Variants in CATSPERE observed in about 807,000 individuals in gnomAD.
The protein encoded by CATSPERE is catsper channel auxiliary subunit epsilon.
A neutral mutation model predicts 114.1 loss-of-function variants in CATSPERE; 93 were observed. The observed-to-expected ratio is 0.81, with a 90% CI of 0.69 to 0.97. The LOEUF (loss-of-function observed/expected upper bound fraction) is 0.97, where lower values mean the gene tolerates loss of function less well. Among genes scored for constraint, CATSPERE ranks in the 50% least tolerant of loss-of-function variants. CATSPERE has a pLI of 0.00. For synonymous variants in CATSPERE, 341 were observed against 384.1 expected, an observed-to-expected ratio of 0.89 and a Z score of 1.31; for missense variants, 1,058 against 1,131.6, an observed-to-expected ratio of 0.93 and a Z score of 0.93.
rs112293768 is a variant in CATSPERE at position 244,627,777 on chromosome 1, T to C, written c.2649-7712T>C. Reference sequence around the variant, plus strand: ...GCATGCTATTTCTCCTTATCCACAGTTTCGCTTCCCATGATTCACTTACTT... The same window carrying C: ...GCATGCTATTTCTCCTTATCCACAGCTTCGCTTCCCATGATTCACTTACTT... On this transcript the variant is annotated intron_variant, in intron 20 of 21. Coordinates refer to ENST00000366534, the MANE Select transcript of CATSPERE (RefSeq NM_001130957.2). Among the ~76,000 whole-genome samples the C allele has an allele frequency of 4.9e-3, 747 of 152,308 alleles. 7 individuals are homozygous for C. Among genetic ancestry groups the C allele is most frequent in the African/African-American group, 0.017 (707 of 41,550 alleles).
intron 20 of CATSPERE, among the ~76,000 whole-genome samples, chr1:244,631,682 C>T (rs1167032349): frequency 3.3e-5 from 5 of 152,034 alleles, no homozygotes; most frequent in Non-Finnish European, 7.4e-5. Flanking sequence ...AAATGAATGA[C>T]AAAAAGCATA....
intron 10 of CATSPERE, among the ~76,000 whole-genome samples, chr1:244,564,127 C>T (rs939484817): frequency 6.6e-6 from 1 of 152,112 alleles, no homozygotes; most frequent in African/African-American, 2.4e-5. Context: ...GTTTTGGTAC[C>T]AGTACCATGC....
intron 2 of CATSPERE, among the ~76,000 whole-genome samples, chr1:244,474,034 C>CT (rs941823787): frequency 0.012 from 1,772 of 149,770 alleles, 42 homozygotes; most frequent in African/African-American, 0.041. Context: ...CTTTTTTTTG[C>CT]TTTTTTTTTG....
intron 6 of CATSPERE, 57 bp downstream of exon 6, chr1:244,490,528 C>T: frequency 9.7e-7 from 1 of 1,029,816 alleles, no homozygotes; most frequent in Non-Finnish European, 1.5e-6. Context: ...TATTGTTTCT[C>T]TCTTATCTTC....
intron 20 of CATSPERE, among the ~76,000 whole-genome samples, chr1:244,628,751 C>T (rs964097402): frequency 8.5e-5 from 13 of 152,184 alleles, no homozygotes; most frequent in African/African-American, 3.1e-4. Context: ...AAGACTACAT[C>T]TGGATGGAGC....
chr1:244,600,113 C>T (rs895235806), intron 17 of CATSPERE, among the ~76,000 whole-genome samples: 1 of 152,094 alleles, frequency 6.6e-6, no homozygotes, highest in African/African-American at 2.4e-5. Flanking sequence ...CCGTGATAGA[C>T]ACGTCATCCT....
rs565726807 is a variant in CATSPERE, at chr1:244,469,514, A to G, written c.114+5558A>G. Among the ~76,000 whole-genome samples the G allele has an allele frequency of 2.0e-5, 3 of 152,312 alleles. No homozygotes were observed. In the South Asian group the frequency reaches 6.2e-4, roughly 32 times the overall value. ...CTTTAAATGATAAGACTCTTTTTAA[A>G]AATGACCAGAGCCAGGGCAATAATG... On this transcript the variant is annotated intron_variant, in intron 2 of 21. Coordinates refer to ENST00000366534, the MANE Select transcript of CATSPERE (RefSeq NM_001130957.2).
rs28623484 is a variant in CATSPERE at position 244,519,114 on chromosome 1, C to A, written c.536+416C>A. Among the ~76,000 whole-genome samples the A allele has an allele frequency of 2.8e-3, 425 of 152,250 alleles. 7 individuals carry two copies. Among genetic ancestry groups the A allele is most frequent in the African/African-American group, 9.8e-3 (408 of 41,540 alleles). ...TAGGTTATCACAAGGTATAGACAGA[C>A]TTTCTTAGTCTATTAAGCACCTAGA... On this transcript the variant is annotated intron_variant, in intron 8 of 21. Transcript: ENST00000366534.
intron 2 of CATSPERE, among the ~76,000 whole-genome samples, chr1:244,464,998 C>G (rs1408036926): frequency 6.7e-6 from 1 of 148,264 alleles, no homozygotes; most frequent in South Asian, 2.1e-4. Context: ...AGCCAAATCT[C>G]TCCCCTCCTT....
intron 9 of CATSPERE, among the ~76,000 whole-genome samples, chr1:244,553,642 C>CACACAT (rs1228966092): frequency 5.1e-4 from 67 of 130,508 alleles, no homozygotes; most frequent in African/African-American, 2.0e-3. Flanking sequence ...CACACACACA[C>CACACAT]ACATACATAT....
rs568157743 is a variant in CATSPERE, at chr1:244,504,970, GT to G, written c.429+5892del. ...GGAATTCTTATTTTATGGCAAACTT[GT>G]CTTATCCCTGATTTATTTATTTACT... On this transcript the variant is annotated intron_variant, in intron 7 of 21. Transcript: ENST00000366534. The surrounding 1 kb of genome is among the most constrained non-coding windows in gnomAD (Gnocchi z 4.1). Among the ~76,000 whole-genome samples, 16 of 152,206 alleles carry G rather than the reference GT, an allele frequency of 1.1e-4. No individual in the cohort carries two copies. The highest frequency in any genetic ancestry group is 3.9e-4 in the Admixed American group (6 of 15,294).
intron 6 of CATSPERE, among the ~76,000 whole-genome samples, chr1:244,498,571 G>T (rs1292325287): frequency 1.3e-5 from 2 of 152,102 alleles, no homozygotes; most frequent in Admixed American, 6.6e-5. Context: ...TATGTGAGTG[G>T]GGGGGTGAGG....
intron 8 of CATSPERE, among the ~76,000 whole-genome samples, chr1:244,524,273 C>G (rs1230261495): frequency 1.3e-5 from 2 of 149,938 alleles, no homozygotes; most frequent in Non-Finnish European, 2.9e-5. Context: ...GCTGGGAAAA[C>G]TGGCTAGCCA....
chr1:244,474,127 G>C (rs561124425), intron 2 of CATSPERE, among the ~76,000 whole-genome samples: 5 of 151,954 alleles, frequency 3.3e-5, no homozygotes, highest in African/African-American at 1.2e-4. Context: ...CGACTCCCAG[G>C]TTCAAGCAAT....
intron 7 of CATSPERE, among the ~76,000 whole-genome samples, chr1:244,500,104 G>T (rs1222354858): frequency 2.0e-5 from 3 of 152,120 alleles, no homozygotes; most frequent in Non-Finnish European, 4.4e-5. Flanking sequence ...CAGTGATGAT[G>T]AGCTTTTTTT....
At chr1:244,571,074 A>G (rs1664377923) in intron 10 of CATSPERE, among the ~76,000 whole-genome samples, 1 of 152,222 alleles carries the variant, frequency 6.6e-6, no homozygotes, top group African/African-American at 2.4e-5. Context: ...TTTAAATTTT[A>G]TATATCATTA....
At chr1:244,567,676 C>T (rs897786163) in intron 10 of CATSPERE, among the ~76,000 whole-genome samples, 3 of 151,642 alleles carry the variant, frequency 2.0e-5, no homozygotes, top group African/African-American at 4.8e-5. Context: ...AGTTCTCGTG[C>T]TGTGAAGCTC....
Position 244,639,931 on chromosome 1 carries a change from A to T in CATSPERE, c.2706A>T (p.Pro902=). 1.9e-6 allele frequency: 3 copies of T among 1,540,252 alleles called. No individual in the cohort carries two copies. Among genetic ancestry groups the T allele is most frequent in the South Asian group, 1.2e-5 (1 of 81,548 alleles). The change falls in exon 22 of 22, where the codon CCA becomes CCT. Residue 902 remains proline, a synonymous_variant. Transcript: ENST00000366534. ...AIETFGLIPS[P]SVYLVASFLF... is the part of the protein sequence containing the mutation. ...TTTTTTTTTTTTCTGATTTCAGTCC[A>T]AGTGTCTACCTGGTAGCTTCTTTCC...
At chr1:244,491,524 A>C (rs1245835608) in intron 6 of CATSPERE, among the ~76,000 whole-genome samples, 2 of 152,196 alleles carry the variant, frequency 1.3e-5, no homozygotes, top group African/African-American at 4.8e-5. Context: ...CTAACGTCAC[A>C]ATTAAAAGAA....
Sources: gnomAD v4.1 joint callset for allele counts (sites outside exome capture counted in the v4.1 genomes callset) on GRCh38, gnomAD v4.1.1 for gene constraint, Gnocchi (gnomAD v3.1) non-coding constraint, MANE v1.5 for transcripts, NCBI Gene and HGNC (gene_info 2026-07-23, HGNC 2026-07-21) for gene names.